Variants in DNAAF4 observed in about 807,000 individuals in gnomAD.
DNAAF4 encodes the protein dynein axonemal assembly factor 4, also known as dynein assembly factor 4, axonemal.
A neutral mutation model predicts 51.8 loss-of-function variants in DNAAF4; 43 were observed. The ratio of observed to expected loss-of-function variants is 0.83; its 90% CI spans 0.65 to 1.07. DNAAF4 has a LOEUF of 1.07. DNAAF4 is among the 50% of genes least tolerant of loss of function. The pLI is 0.00. For synonymous variants in DNAAF4, 194 were observed against 165.6 expected, an observed-to-expected ratio of 1.17 and a Z score of -1.32; for missense variants, 581 against 493.0, an observed-to-expected ratio of 1.18 and a Z score of -1.69.
intron 3 of DNAAF4, among the ~76,000 whole-genome samples, chr15:55,492,218 G>A (rs1164297452): frequency 7.1e-6 from 1 of 141,040 alleles, no homozygotes; most frequent in African/African-American, 2.7e-5. Context: ...TACGATCAAT[G>A]GGTAAATTAT....
downstream of DNAAF4, among the ~76,000 whole-genome samples, chr15:55,426,846 T>C (rs928097195): frequency 6.6e-6 from 1 of 152,182 alleles, no homozygotes; most frequent in Non-Finnish European, 1.5e-5. Context: ...GCAAGGAAAG[T>C]GATCTGAAGT....
At chr15:55,504,526 A>G (rs957844821) in intron 1 of DNAAF4, among the ~76,000 whole-genome samples, 5 of 152,230 alleles carry the variant, frequency 3.3e-5, no homozygotes, top group Non-Finnish European at 5.9e-5. Context: ...AAACTATACT[A>G]CAAGGCTACA....
intron 6 of DNAAF4, among the ~76,000 whole-genome samples, chr15:55,447,113 C>T (rs1249411559): frequency 7.9e-5 from 9 of 113,568 alleles, no homozygotes; most frequent in African/African-American, 1.7e-4. Context: ...GGGGCGGCTG[C>T]GCAGAGGCAC....
Position 55,458,888 on chromosome 15 carries a change from C to G in DNAAF4, c.637+8042G>C, listed in dbSNP as rs2058055903. Among the ~76,000 whole-genome samples the G allele has an allele frequency of 2.6e-5, 4 of 152,014 alleles. No homozygotes were observed. The South Asian group carries it at 8.3e-4, about 32-fold the overall frequency. On this transcript the variant is annotated intron_variant, in intron 5 of 9. Transcript: ENST00000321149. ...GGAGTTCGAGACCAGCCTGGCCAAC[C>G]AAGATGGTGAAACACCATCTCTACT...
intron 4 of DNAAF4, among the ~76,000 whole-genome samples, chr15:55,479,013 A>G (rs565085594): frequency 6.6e-6 from 1 of 152,074 alleles, no homozygotes; most frequent in African/African-American, 2.4e-5. Context: ...TTTTCATGAA[A>G]ACCACCCTTA....
intron 4 of DNAAF4, among the ~76,000 whole-genome samples, chr15:55,486,682 G>A (rs2058494334): frequency 6.6e-6 from 1 of 152,028 alleles, no homozygotes; most frequent in Non-Finnish European, 1.5e-5. Context: ...TACTTGGGAA[G>A]CTGAGGTGGG....
chr15:55,502,504 T>C (rs1025735219), intron 1 of DNAAF4, among the ~76,000 whole-genome samples: 1 of 152,128 alleles, frequency 6.6e-6, no homozygotes, highest in East Asian at 1.9e-4. Context: ...CTTAAGAAGG[T>C]TCCCATGTTA....
intron 3 of DNAAF4, among the ~76,000 whole-genome samples, chr15:55,492,768 G>A (rs2058592188): frequency 6.6e-6 from 1 of 152,080 alleles, no homozygotes; most frequent in Non-Finnish European, 1.5e-5. Flanking sequence ...TTGATCTCCT[G>A]ACCTTGTGAT....
At chr15:55,477,501 T>C (rs1021158392) in intron 4 of DNAAF4, among the ~76,000 whole-genome samples, 5 of 152,126 alleles carry the variant, frequency 3.3e-5, no homozygotes, top group Admixed American at 6.6e-5. Flanking sequence ...AAAATGGAGT[T>C]ATATTAGAAC....
Position 55,435,040 on chromosome 15 carries a change from T to C in DNAAF4, c.912A>G (p.Glu304=). Reference sequence around the variant, plus strand: ...ATGCATTGATAGCTGCCAAATAGTTTTCCGTTGCAAACAATTTGCTAATGA... The same window carrying C: ...ATGCATTGATAGCTGCCAAATAGTTCTCCGTTGCAAACAATTTGCTAATGA... ...KDKGNKLFAT[E]NYLAAINAYN... The change falls in exon 8 of 10, where the codon GAA becomes GAG. Residue 304 remains glutamate (E), a synonymous_variant. Transcript: ENST00000321149. 2 of 1,592,614 alleles carry C rather than the reference T, an allele frequency of 1.3e-6. No individual in the cohort carries two copies. Among genetic ancestry groups the C allele is most frequent in the Non-Finnish European group, 1.7e-6 (2 of 1,173,900 alleles).
At chr15:55,474,872 T>C (rs2058314927) in intron 4 of DNAAF4, among the ~76,000 whole-genome samples, 1 of 150,876 alleles carries the variant, frequency 6.6e-6, no homozygotes, top group African/African-American at 2.4e-5. Context: ...CCAGCTACTC[T>C]GGAGGCTGAG....
chr15:55,432,706 G>A, intron 8 of DNAAF4, 104 bp from the exon 9 acceptor site: 1 of 975,710 alleles, frequency 1.0e-6, no homozygotes, highest in Non-Finnish European at 1.5e-6. Flanking sequence ...AACACTTGGG[G>A]AGGCCGAGGT....
In DNAAF4 at chr15:55,487,507, C is replaced by T. The variant is rs557451808; in HGVS notation, c.405+3616G>A. 2.0e-5 allele frequency among the ~76,000 whole-genome samples: 3 copies of T among 152,326 alleles called. No homozygotes were observed. The South Asian group carries it at 6.2e-4, about 32-fold the overall frequency. ...AGCGGCAACTGGCTCGGGTCCCCTT[C>T]CATGCTGTGGAAGCTTTGTTCTTTC... On this transcript the variant is annotated intron_variant, in intron 4 of 9. Coordinates refer to ENST00000321149, the MANE Select transcript of DNAAF4 (RefSeq NM_130810.4).
chr15:55,474,706 C>T (rs545049082), intron 4 of DNAAF4, among the ~76,000 whole-genome samples: 12 of 152,062 alleles, frequency 7.9e-5, no homozygotes, highest in Non-Finnish European at 5.9e-5. Context: ...AGGCCAGGGG[C>T]GGTGGCTCAT....
intron 6 of DNAAF4, chr15:55,442,684 G>T: frequency 6.8e-7 from 1 of 1,469,554 alleles, no homozygotes; most frequent in Non-Finnish European, 9.5e-7. Context: ...TGTCGCCTCT[G>T]AATATAGGGT....
At chr15:55,436,971 C>A (rs2057622849) in intron 7 of DNAAF4, among the ~76,000 whole-genome samples, 1 of 152,154 alleles carries the variant, frequency 6.6e-6, no homozygotes. Context: ...CAGGTATGCG[C>A]CACCACACCC....
chr15:55,440,186 G>A (rs908381331), intron 6 of DNAAF4, among the ~76,000 whole-genome samples: 1 of 151,720 alleles, frequency 6.6e-6, no homozygotes, highest in Non-Finnish European at 1.5e-5. Context: ...CCGAGTAGGT[G>A]GGATTACAGG....
Position 55,430,637 on chromosome 15 carries a change from C to G in DNAAF4, c.*33G>C. 1 of 1,598,172 alleles carries G rather than the reference C, an allele frequency of 6.3e-7. No homozygotes were observed. Among genetic ancestry groups the G allele is most frequent in the Non-Finnish European group, 8.5e-7 (1 of 1,173,122 alleles). On this transcript the variant is annotated 3_prime_UTR_variant, in exon 10 of 10. Coordinates refer to ENST00000321149, the MANE Select transcript of DNAAF4 (RefSeq NM_130810.4). Reference sequence around the variant, plus strand: ...GATGCCTCCAGTTGTTTTTAAAAAACTTATAACAATACTTAGTTACTTCTA... The same window carrying G: ...GATGCCTCCAGTTGTTTTTAAAAAAGTTATAACAATACTTAGTTACTTCTA...
chr15:55,501,067 T>G (rs2058694878), intron 1 of DNAAF4, among the ~76,000 whole-genome samples: 2 of 151,894 alleles, frequency 1.3e-5, no homozygotes, highest in African/African-American at 2.4e-5. Flanking sequence ...AAAGGATTTT[T>G]TTGTTGTTGT....
Sources: gnomAD v4.1 joint callset for allele counts (sites outside exome capture counted in the v4.1 genomes callset) on GRCh38, gnomAD v4.1.1 for gene constraint, MANE v1.5 for transcripts, NCBI Gene and HGNC (gene_info 2026-07-23, HGNC 2026-07-21) for gene names.